The following FMN2 variants were observed in gnomAD, a reference collection of about 807,000 sequenced individuals.
The protein encoded by FMN2 is formin-2.
In FMN2, 51 loss-of-function variants were observed where a neutral mutation model predicts 142.3. That is an observed-to-expected ratio of 0.36 (90% CI 0.29 to 0.45). The LOEUF (loss-of-function observed/expected upper bound fraction) is 0.45, where lower values mean the gene tolerates loss of function less well. Ranked by LOEUF, FMN2 falls within the 20% of genes least tolerant of loss-of-function variation. FMN2 has a pLI of 1.00. For synonymous variants in FMN2, 882 were observed against 869.8 expected, an observed-to-expected ratio of 1.01 and a Z score of -0.25; for missense variants, 1,936 against 2,122.8, an observed-to-expected ratio of 0.91 and a Z score of 1.73.
intron 7 of FMN2, among the ~76,000 whole-genome samples, chr1:240,294,563 A>T (rs1298784692): frequency 2.0e-5 from 3 of 152,228 alleles, no homozygotes; most frequent in Admixed American, 2.0e-4. Flanking sequence ...TGAAAAACAG[A>T]CCTCACAGTT....
chr1:240,184,919 G>A (rs1042616264), intron 3 of FMN2, among the ~76,000 whole-genome samples: 33 of 149,068 alleles, frequency 2.2e-4, no homozygotes, highest in African/African-American at 7.7e-4. Context: ...CATTTTTCAT[G>A]TTCCCTTTAC....
At chr1:240,182,137 A>T (rs1193703603) in intron 3 of FMN2, among the ~76,000 whole-genome samples, 1 of 152,230 alleles carries the variant, frequency 6.6e-6, no homozygotes, top group East Asian at 1.9e-4. Context: ...GGGCTAAAAC[A>T]GTTCTTGGAC....
At chr1:240,425,985 G>A (rs1674926688) in intron 15 of FMN2, among the ~76,000 whole-genome samples, 1 of 152,118 alleles carries the variant, frequency 6.6e-6, no homozygotes, top group African/African-American at 2.4e-5. Flanking sequence ...AAAATTACTG[G>A]ACTTTAATTC....
chr1:240,188,152 G>A, intron 3 of FMN2, 55 bp from the exon 4 acceptor site: 2 of 1,541,692 alleles, frequency 1.3e-6, no homozygotes, highest in African/African-American at 1.4e-5. Flanking sequence ...TCTGATTGAA[G>A]AAATAGGAAA....
intron 14 of FMN2, among the ~76,000 whole-genome samples, chr1:240,371,612 C>T (rs998409987): frequency 6.6e-6 from 1 of 152,164 alleles, no homozygotes; most frequent in Non-Finnish European, 1.5e-5. Flanking sequence ...GAAATACCAA[C>T]GTGTTGATTC....
intron 15 of FMN2, among the ~76,000 whole-genome samples, chr1:240,397,133 T>A (rs115156317): frequency 6.6e-6 from 1 of 152,330 alleles, no homozygotes; most frequent in African/African-American, 2.4e-5. Flanking sequence ...CGTTTTGACT[T>A]TAATAATTGC....
At chr1:240,465,059 G>A (rs542627802) in intron 16 of FMN2, among the ~76,000 whole-genome samples, 4 of 152,128 alleles carry the variant, frequency 2.6e-5, no homozygotes, top group African/African-American at 9.7e-5. Flanking sequence ...CAGGGGTTTT[G>A]TGGTTTTGTA....
chr1:240,419,227 T>TTA (rs1419280915), intron 15 of FMN2, among the ~76,000 whole-genome samples: 1 of 152,220 alleles, frequency 6.6e-6, no homozygotes, highest in Admixed American at 6.5e-5. Flanking sequence ...TATGCCTACA[T>TTA]ATCTAGAGTT....
At chr1:240,424,147 T>C (rs1474315178) in intron 15 of FMN2, among the ~76,000 whole-genome samples, 1 of 152,200 alleles carries the variant, frequency 6.6e-6, no homozygotes. Flanking sequence ...TGTGTATACA[T>C]ACATAGGTGT....
At chr1:240,437,947 C>A in intron 15 of FMN2, 114 bp from the exon 16 acceptor site, 1 of 1,325,746 alleles carries the variant, frequency 7.5e-7, no homozygotes, top group Non-Finnish European at 1.0e-6. Flanking sequence ...AGCTTGAGTC[C>A]TCTTGGTAAT....
At chr1:240,144,033 C>T (rs371627953) in intron 2 of FMN2, 1 of 1,133,840 alleles carries the variant, frequency 8.8e-7, no homozygotes, top group Non-Finnish European at 1.3e-6. Context: ...TTCACTATGC[C>T]ACAGGCAAGA....
intron 7 of FMN2, among the ~76,000 whole-genome samples, chr1:240,292,125 A>G (rs1378766344): frequency 6.6e-6 from 1 of 152,234 alleles, no homozygotes; most frequent in Non-Finnish European, 1.5e-5. Flanking sequence ...ATCAGGAAAC[A>G]GCATCTTGTA....
At chr1:240,244,012 T>A (rs140763480) in intron 6 of FMN2, among the ~76,000 whole-genome samples, 1 of 152,242 alleles carries the variant, frequency 6.6e-6, no homozygotes, top group Admixed American at 6.5e-5. Context: ...TGTGCTCTAA[T>A]GTCGTTTGAG....
chr1:240,125,869 G>A (rs1201262807), intron 2 of FMN2, among the ~76,000 whole-genome samples: 1 of 152,042 alleles, frequency 6.6e-6, no homozygotes, highest in Non-Finnish European at 1.5e-5. Flanking sequence ...AACAACAAAG[G>A]TATAAAATCC....
intron 16 of FMN2, among the ~76,000 whole-genome samples, chr1:240,443,762 AAT>A (rs1558110155): frequency 6.6e-6 from 1 of 151,964 alleles, no homozygotes; most frequent in East Asian, 1.9e-4. Flanking sequence ...CAAAAAAAAA[AAT>A]TTTTTTTTCA....
intron 1 of FMN2, among the ~76,000 whole-genome samples, chr1:240,105,903 T>A (rs934427252): frequency 2.0e-5 from 3 of 152,196 alleles, no homozygotes; most frequent in African/African-American, 7.2e-5. Context: ...ACAGTATACA[T>A]TGTGTAGATT....
At chr1:240,377,180 A>T (rs1043529766) in intron 14 of FMN2, among the ~76,000 whole-genome samples, 4 of 152,228 alleles carry the variant, frequency 2.6e-5, no homozygotes, top group African/African-American at 9.6e-5. Context: ...ATTCTACCTG[A>T]ATAACTTCCT....
chr1:240,471,523 C>T (rs1009917797), intron 16 of FMN2: 3 of 152,238 alleles, frequency 2.0e-5, no homozygotes, highest in Non-Finnish European at 4.4e-5. Context: ...TATAGGCACC[C>T]GCCACCACAC....
chr1:240,181,526 A>C (rs904606677), intron 3 of FMN2, among the ~76,000 whole-genome samples: 1 of 152,166 alleles, frequency 6.6e-6, no homozygotes. Flanking sequence ...GGCTGAGGCC[A>C]TGGTGAGGTC....
Sources: gnomAD v4.1 joint callset for allele counts (sites outside exome capture counted in the v4.1 genomes callset) on GRCh38, gnomAD v4.1.1 for gene constraint, MANE v1.5 for transcripts, NCBI Gene and HGNC (gene_info 2026-07-23, HGNC 2026-07-21) for gene names.